The following ARHGAP35 variants were observed in gnomAD, a reference collection of about 807,000 sequenced individuals.
The protein encoded by ARHGAP35 is rho GTPase-activating protein 35.
Under a neutral mutation model 111.1 loss-of-function variants are expected in ARHGAP35, and 15 were observed. That is an observed-to-expected ratio of 0.13 (90% CI 0.09 to 0.21). ARHGAP35 has a LOEUF of 0.21. Among genes scored for constraint, ARHGAP35 ranks in the 10% least tolerant of loss-of-function variants. The pLI is 1.00. For missense variants in ARHGAP35, 1,262 were observed against 1,873.0 expected, an observed-to-expected ratio of 0.67 and a Z score of 6.02; for synonymous variants, 643 against 710.3, an observed-to-expected ratio of 0.91 and a Z score of 1.51.
At position 47,004,177 on chromosome 19, in the gene ARHGAP35, C is replaced by T. The variant is rs1052667; in HGVS notation, c.*3489C>T. 49,155 of 152,044 alleles carry T rather than the reference C, an allele frequency of 0.32. 8,224 individuals carry two copies. Among genetic ancestry groups the T allele is most frequent in the Middle Eastern group, 0.43 (127 of 296 alleles). The allele number at this position is 152,044 out of a possible 1,614,324, so 9.4% of individuals were successfully genotyped here. On this transcript the variant is annotated 3_prime_UTR_variant, in exon 7 of 7. Transcript: ENST00000672722. ...CGGGGAAGCTGCGGCAGGGAGCGGG[C>T]GCCGGCTTCGTGGCTCTGAGGTGTA...
intron 1 of ARHGAP35, among the ~76,000 whole-genome samples, chr19:46,899,432 C>T (rs188404013): frequency 2.0e-5 from 3 of 152,256 alleles, no homozygotes; most frequent in Admixed American, 2.0e-4. Context: ...TGGTAGCTCA[C>T]GCCTGTAATC....
At chr19:46,917,155 GC>G (rs748839015) in intron 1 of ARHGAP35, among the ~76,000 whole-genome samples, 4 of 152,026 alleles carry the variant, frequency 2.6e-5, no homozygotes, top group Non-Finnish European at 5.9e-5. Flanking sequence ...ACTTTCCCCA[GC>G]CCCTGACAAC....
chr19:46,995,769 G>A (rs903568009), intron 5 of ARHGAP35, among the ~76,000 whole-genome samples: 4 of 152,278 alleles, frequency 2.6e-5, no homozygotes, highest in Non-Finnish European at 5.9e-5. Flanking sequence ...TGAAGAGGCT[G>A]CAGCTGGAGC....
At chr19:46,948,802 T>C (rs2056395417) in intron 3 of ARHGAP35, 1 of 152,148 alleles carries the variant, frequency 6.6e-6, no homozygotes. Flanking sequence ...TAGAAAACTT[T>C]TGTGGGTGGT....
intron 1 of ARHGAP35, among the ~76,000 whole-genome samples, chr19:46,862,249 C>T (rs1451791698): frequency 2.0e-5 from 3 of 152,128 alleles, no homozygotes; most frequent in Non-Finnish European, 4.4e-5. Context: ...CTGCTATTCA[C>T]TTAAATGATG....
chr19:46,869,810 C>T (rs753669758), intron 1 of ARHGAP35, among the ~76,000 whole-genome samples: 5 of 152,022 alleles, frequency 3.3e-5, no homozygotes, highest in African/African-American at 1.2e-4. Flanking sequence ...CTGGGAATAG[C>T]GTACCTAAAT....
chr19:46,879,700 C>A lies in ARHGAP35; in HGVS notation c.-189+18491C>A, dbSNP rs1275848379. ...TCAGGAGGGTGAGGCAGGAGAATCG[C>A]TTGAACCCGGGAGGCTGAGGTTACA... is the stretch of plus-strand genomic sequence containing the variant. On this transcript the variant is annotated intron_variant, in intron 1 of 6. Transcript: ENST00000672722. 1.3e-4 allele frequency among the ~76,000 whole-genome samples: 20 copies of A among 149,040 alleles called. No homozygotes were observed. In the Admixed American group the frequency reaches 1.3e-3, roughly 10 times the overall value.
chr19:46,911,397 A>G (rs1364614060), intron 1 of ARHGAP35, among the ~76,000 whole-genome samples: 1 of 152,140 alleles, frequency 6.6e-6, no homozygotes, highest in Non-Finnish European at 1.5e-5. Flanking sequence ...GACAGTACCC[A>G]TTCCTTTTGT....
chr19:46,862,208 C>T (rs971097926), intron 1 of ARHGAP35, among the ~76,000 whole-genome samples: 4 of 152,114 alleles, frequency 2.6e-5, no homozygotes, highest in African/African-American at 9.7e-5. Context: ...CAGCCTCCTC[C>T]CCCTTCTCTG....
At chr19:46,910,225 G>A (rs2056130750) in intron 1 of ARHGAP35, among the ~76,000 whole-genome samples, 3 of 152,026 alleles carry the variant, frequency 2.0e-5, no homozygotes, top group Admixed American at 2.0e-4. Context: ...CGATCCTCCT[G>A]CCTCACCCTT....
intron 1 of ARHGAP35, among the ~76,000 whole-genome samples, chr19:46,903,685 G>A (rs75320311): frequency 0.017 from 2,644 of 152,250 alleles, 92 homozygotes; most frequent in African/African-American, 0.059. Context: ...GAGATGACTC[G>A]TTGATCTTCC....
At position 46,921,005 on chromosome 19, in the gene ARHGAP35, T is replaced by C; in HGVS notation, c.2330T>C (p.Leu777Ser). The part of the protein sequence containing the change: ...LVSSTASIKD[L>S]ADVDLRIVMC... ...AGTTCTACTGCTAGCATCAAAGATT[T>C]GGCTGATGTTGATCTGCGAATTGTT... Residue 777 changes from leucine (L) to serine (S), a missense_variant, in exon 2 of 7, where the codon TTG becomes TCG. Transcript: ENST00000672722. The surrounding 1 kb of genome is among the most constrained non-coding windows in gnomAD (Gnocchi z 4.3). 1 of 1,614,038 alleles carries C rather than the reference T, an allele frequency of 6.2e-7. No homozygotes were observed. The highest frequency in any genetic ancestry group is 8.5e-7 in the Non-Finnish European group (1 of 1,179,892).
intron 1 of ARHGAP35, among the ~76,000 whole-genome samples, chr19:46,909,618 G>A (rs959115559): frequency 1.3e-5 from 2 of 152,152 alleles, no homozygotes; most frequent in Non-Finnish European, 2.9e-5. Flanking sequence ...TGGCTATGAG[G>A]AAATCTTCCT....
At chr19:46,959,801 A>G (rs1005631387) in intron 3 of ARHGAP35, among the ~76,000 whole-genome samples, 23 of 150,794 alleles carry the variant, frequency 1.5e-4, no homozygotes, top group African/African-American at 4.9e-4. Flanking sequence ...ATTTAAAGGT[A>G]ACTCGAAGCC....
At chr19:46,954,640 C>T (rs1181186587) in intron 3 of ARHGAP35, among the ~76,000 whole-genome samples, 1 of 152,256 alleles carries the variant, frequency 6.6e-6, no homozygotes, top group African/African-American at 2.4e-5. Flanking sequence ...TGTGATTTCA[C>T]CCCAGTTTGC....
At chr19:46,916,272 T>C (rs2056163160) in intron 1 of ARHGAP35, among the ~76,000 whole-genome samples, 1 of 152,082 alleles carries the variant, frequency 6.6e-6, no homozygotes, top group Admixed American at 6.5e-5. Context: ...ATCCAGTCCC[T>C]GGTTCCTTGC....
intron 1 of ARHGAP35, among the ~76,000 whole-genome samples, chr19:46,893,619 G>A (rs2056037612): frequency 6.6e-6 from 1 of 151,346 alleles, no homozygotes. Flanking sequence ...CTCCCCCCTT[G>A]GTTTTGCCCC....
At chr19:46,930,267 G>T (rs2056265075) in intron 2 of ARHGAP35, among the ~76,000 whole-genome samples, 1 of 151,570 alleles carries the variant, frequency 6.6e-6, no homozygotes, top group Non-Finnish European at 1.5e-5. Context: ...GCTGAGATGG[G>T]AGAATCACCT....
Position 47,000,472 on chromosome 19 carries a change from T to G in ARHGAP35, c.4284T>G (p.Phe1428Leu). The stretch of plus-strand genomic sequence containing the variant: ...CCTACCAGACAATCATTGAACTCTT[T>G]ATCCAGCAGTGCCCCTTCTTCTTCT... ...TRTYQTIIEL[F>L]IQQCPFFFYN... is the part of the protein sequence containing the mutation. The change falls in exon 7 of 7, where the codon TTT (phenylalanine) becomes TTG (leucine). Residue 1428 changes from phenylalanine to leucine, a missense_variant. This residue lies in a region of ARHGAP35 where 23 missense variants were observed against 63.9 expected (regional missense o/e 0.36). Coordinates refer to ENST00000672722, the MANE Select transcript of ARHGAP35 (RefSeq NM_004491.5). This position sits in a 1 kb window ranked among gnomAD's most constrained non-coding sequence, Gnocchi z 6.9. 1 of 1,613,812 alleles carries G rather than the reference T, an allele frequency of 6.2e-7. No individual in the cohort carries two copies. The highest frequency in any genetic ancestry group is 8.5e-7 in the Non-Finnish European group (1 of 1,179,854).
Sources: gnomAD v4.1 joint callset for allele counts (sites outside exome capture counted in the v4.1 genomes callset) on GRCh38, gnomAD v4.1.1 for gene constraint, gnomAD v4.1.1 regional missense constraint, Gnocchi (gnomAD v3.1) non-coding constraint, MANE v1.5 for transcripts, NCBI Gene and HGNC (gene_info 2026-07-23, HGNC 2026-07-21) for gene names.